Variants in ZFHX3 observed in about 807,000 individuals in gnomAD.
ZFHX3 encodes the protein zinc finger homeobox protein 3.
A neutral mutation model predicts 279.1 loss-of-function variants in ZFHX3; 42 were observed. The ratio of observed to expected loss-of-function variants is 0.15; its 90% CI spans 0.12 to 0.19. The LOEUF (loss-of-function observed/expected upper bound fraction) is 0.19, where lower values mean the gene tolerates loss of function less well. ZFHX3 is among the 10% of genes least tolerant of loss of function. The pLI, the probability that ZFHX3 is intolerant of heterozygous loss-of-function variation, is 1.00. For synonymous variants in ZFHX3, 2,293 were observed against 1,957.8 expected, an observed-to-expected ratio of 1.17 and a Z score of -4.52; for missense variants, 4,981 against 4,754.0, an observed-to-expected ratio of 1.05 and a Z score of -1.40.
In ZFHX3 at chr16:72,787,041, T is replaced by C; in HGVS notation, c.*123A>G. ...AACCCACGCTTTTTCTTTTTTTTCT[T>C]TTTTTTTTTTTTTTTGTTTTTTGGT... On this transcript the variant is annotated 3_prime_UTR_variant, in exon 10 of 10. Coordinates refer to ENST00000268489, the MANE Select transcript of ZFHX3 (RefSeq NM_006885.4). 8.1e-6 allele frequency: 4 copies of C among 493,198 alleles called. No individual in the cohort carries two copies. The highest frequency in any genetic ancestry group is 1.5e-4 in the East Asian group (2 of 13,784). 30.6% of individuals were successfully genotyped at this position (493,198 alleles called of 1,614,324 possible).
At chr16:72,900,299 T>C (rs1340724912) in intron 3 of ZFHX3, among the ~76,000 whole-genome samples, 2 of 152,170 alleles carry the variant, frequency 1.3e-5, no homozygotes, top group African/African-American at 4.8e-5. Context: ...TGGAAGACAC[T>C]TCCCCGATTC....
At chr16:73,368,489 T>C (rs1001704505) in intron 3 of ZFHX3, among the ~76,000 whole-genome samples, 1 of 152,138 alleles carries the variant, frequency 6.6e-6, no homozygotes, top group Non-Finnish European at 1.5e-5. Flanking sequence ...GGTCAACATA[T>C]CCCCAGACAG....
chr16:73,728,264 C>A (rs2053538934), intron 1 of ZFHX3, among the ~76,000 whole-genome samples: 1 of 152,128 alleles, frequency 6.6e-6, no homozygotes, highest in Non-Finnish European at 1.5e-5. Flanking sequence ...GAGAGAGGTG[C>A]CTGTGTGCAA....
chr16:73,652,958 T>G (rs560136747), intron 2 of ZFHX3, among the ~76,000 whole-genome samples: 1 of 151,824 alleles, frequency 6.6e-6, no homozygotes, highest in South Asian at 2.1e-4. Flanking sequence ...AAAAACAAAA[T>G]CAATTCATAA....
chr16:73,181,073 TTTTG>T (rs1006970428), intron 5 of ZFHX3, among the ~76,000 whole-genome samples: 14 of 149,162 alleles, frequency 9.4e-5, no homozygotes, highest in Admixed American at 2.7e-4. Context: ...CAGCTAGTTT[TTTTG>T]TTTGTTTGTT....
intron 1 of ZFHX3, among the ~76,000 whole-genome samples, chr16:73,029,470 T>C (rs1964619438): frequency 6.6e-6 from 1 of 152,206 alleles, no homozygotes; most frequent in South Asian, 2.1e-4. Flanking sequence ...ACTGGATATT[T>C]TATTTAAAAA....
intron 5 of ZFHX3, among the ~76,000 whole-genome samples, chr16:73,197,931 T>G (rs963607508): frequency 8.0e-6 from 1 of 125,334 alleles, no homozygotes; most frequent in Non-Finnish European, 1.7e-5. Flanking sequence ...GTGGTTTTTT[T>G]TTTTTTTTTT....
Position 73,202,293 on chromosome 16 carries a change from A to G in ZFHX3, c.-1104+54754T>C, listed in dbSNP as rs74028087. On this transcript the variant is annotated intron_variant, in intron 5 of 17. Transcript: ENST00000641206. ...TAAAAGAATGTGTTCATTTTGAATCACCCATCTCTTAGTTATTTCCTAACC... is the reference window on the plus strand; with the variant it reads ...TAAAAGAATGTGTTCATTTTGAATCGCCCATCTCTTAGTTATTTCCTAACC... Among the ~76,000 whole-genome samples the G allele has an allele frequency of 8.9e-3, 1,360 of 152,274 alleles. 19 individuals carry two copies. The highest frequency in any genetic ancestry group is 0.031 in the African/African-American group (1,291 of 41,548).
chr16:73,698,154 ATTCCC>A (rs894111264), intron 1 of ZFHX3, among the ~76,000 whole-genome samples: 10 of 152,194 alleles, frequency 6.6e-5, no homozygotes, highest in Non-Finnish European at 1.0e-4. Context: ...TTATGGTACA[ATTCCC>A]AATGGCCGAA....
At chr16:73,220,685 T>C (rs2012385219) in intron 5 of ZFHX3, among the ~76,000 whole-genome samples, 1 of 152,090 alleles carries the variant, frequency 6.6e-6, no homozygotes, top group Admixed American at 6.6e-5. Context: ...GGAGCTGAAA[T>C]GTATGTACCC....
At chr16:72,953,743 G>C (rs1961110394) in intron 2 of ZFHX3, among the ~76,000 whole-genome samples, 1 of 152,128 alleles carries the variant, frequency 6.6e-6, no homozygotes, top group Non-Finnish European at 1.5e-5. Context: ...ACTACGTCTG[G>C]CTGATCTTAA....
At chr16:72,811,375 C>G (rs1038657900) in intron 7 of ZFHX3, among the ~76,000 whole-genome samples, 1 of 152,164 alleles carries the variant, frequency 6.6e-6, no homozygotes, top group South Asian at 2.1e-4. Flanking sequence ...GGTTGAGAAA[C>G]ACATGTTCAG....
At chr16:73,841,768 A>G (rs1312334106) in intron 1 of ZFHX3, among the ~76,000 whole-genome samples, 1 of 152,150 alleles carries the variant, frequency 6.6e-6, no homozygotes, top group African/African-American at 2.4e-5. Context: ...AATCAGACCA[A>G]ATTTCATTTT....
At chr16:73,498,370 C>T (rs1432398783) in intron 2 of ZFHX3, among the ~76,000 whole-genome samples, 1 of 152,134 alleles carries the variant, frequency 6.6e-6, no homozygotes, top group Non-Finnish European at 1.5e-5. Flanking sequence ...TCAGTTGGTT[C>T]CGTGAGTGTG....
intron 5 of ZFHX3, among the ~76,000 whole-genome samples, chr16:73,179,838 G>A (rs1967752049): frequency 6.6e-6 from 1 of 152,112 alleles, no homozygotes; most frequent in Admixed American, 6.6e-5. Flanking sequence ...ACTGGTTAGA[G>A]CATTTTGCCC....
chr16:73,471,639 C>T (rs1286075517), intron 2 of ZFHX3, among the ~76,000 whole-genome samples: 1 of 152,144 alleles, frequency 6.6e-6, no homozygotes, highest in Non-Finnish European at 1.5e-5. Flanking sequence ...ATCCAACTGA[C>T]TTGGGTGAGA....
chr16:73,682,978 GA>G (rs369698441), intron 1 of ZFHX3, among the ~76,000 whole-genome samples: 2 of 37,858 alleles, frequency 5.3e-5, no homozygotes, highest in Admixed American at 3.3e-4. Flanking sequence ...AAGAAAGAAA[GA>G]AAGAAAGAAA....
chr16:73,632,491 T>C (rs879922197), intron 2 of ZFHX3, among the ~76,000 whole-genome samples: 7 of 150,736 alleles, frequency 4.6e-5, no homozygotes, highest in Non-Finnish European at 1.0e-4. Context: ...TTGAGACTTA[T>C]CCTGGCCAAC....
intron 1 of ZFHX3, among the ~76,000 whole-genome samples, chr16:73,886,679 G>A (rs1389297627): frequency 2.0e-5 from 3 of 152,208 alleles, no homozygotes; most frequent in South Asian, 4.1e-4. Flanking sequence ...TCACAACAGC[G>A]TGAGGAGAAT....
Sources: allele counts gnomAD v4.1 joint callset (sites outside exome capture counted in the v4.1 genomes callset), GRCh38; gene constraint gnomAD v4.1.1; transcripts MANE v1.5; gene names NCBI Gene and HGNC (gene_info 2026-07-23, HGNC 2026-07-21).